The following ALG13 variants were observed in gnomAD, a reference collection of about 807,000 sequenced individuals.
ALG13 encodes ALG13 UDP-N-acetylglucosaminyltransferase subunit.
A neutral mutation model predicts 87.8 loss-of-function variants in ALG13; 11 were observed. The ratio of observed to expected loss-of-function variants is 0.13; its 90% CI spans 0.08 to 0.21. ALG13 has a LOEUF of 0.21. Ranked by LOEUF, ALG13 falls within the 10% of genes least tolerant of loss-of-function variation. ALG13 has a pLI of 1.00. For synonymous variants in ALG13, 320 were observed against 306.3 expected, an observed-to-expected ratio of 1.04 and a Z score of -0.47; for missense variants, 756 against 866.1, an observed-to-expected ratio of 0.87 and a Z score of 1.60.
intron 23 of ALG13, among the ~76,000 whole-genome samples, chrX:111,738,138 A>G (rs757248264): frequency 3.5e-5 from 4 of 112,677 alleles, no homozygotes; most frequent in South Asian, 3.6e-4. Flanking sequence ...TAATAATACA[A>G]AACATTAAAG....
chrX:111,709,943 GTA>G (rs1324291616), intron 5 of ALG13, among the ~76,000 whole-genome samples: 1 of 111,099 alleles, frequency 9.0e-6, no homozygotes, highest in Admixed American at 9.5e-5. Flanking sequence ...TGCGTCTCAA[GTA>G]TTTCTGTGCA....
chrX:111,740,567 G>A (rs1349409378), intron 23 of ALG13, among the ~76,000 whole-genome samples: 1 of 110,719 alleles, frequency 9.0e-6, no homozygotes, highest in Non-Finnish European at 1.9e-5. Context: ...TGGAGAAATG[G>A]CTGATTCCAG....
intron 25 of ALG13, among the ~76,000 whole-genome samples, chrX:111,754,343 A>G (rs777808832): frequency 5.9e-4 from 66 of 111,859 alleles, no homozygotes; most frequent in African/African-American, 2.1e-3. Flanking sequence ...AGCTGGAAGC[A>G]TTCCCTTTGA....
intron 19 of ALG13, among the ~76,000 whole-genome samples, chrX:111,730,017 A>G (rs1336654432): frequency 1.8e-5 from 2 of 112,350 alleles, no homozygotes; most frequent in Non-Finnish European, 3.8e-5. Context: ...TGAGGCACAG[A>G]GATTAAATAA....
intron 3 of ALG13, among the ~76,000 whole-genome samples, chrX:111,703,162 C>T (rs898379399): frequency 9.1e-6 from 1 of 109,847 alleles, no homozygotes; most frequent in African/African-American, 3.3e-5. Flanking sequence ...TCATGTTCTA[C>T]AGTGCTAGAA....
At chrX:111,701,283 T>C (rs1292674082) in intron 3 of ALG13, among the ~76,000 whole-genome samples, 1 of 112,085 alleles carries the variant, frequency 8.9e-6, no homozygotes, top group Non-Finnish European at 1.9e-5. Context: ...TAAGAAGGAT[T>C]GGTACTGGTT....
At chrX:111,723,675 G>C in intron 13 of ALG13, 123 bp from the exon 14 acceptor site, 1 of 448,367 alleles carries the variant, frequency 2.2e-6, no homozygotes, top group East Asian at 4.1e-5. Context: ...ATCCAGACTG[G>C]CAGTGTTGAT....
chrX:111,758,104 T>C (rs1945430202), intron 26 of ALG13, among the ~76,000 whole-genome samples: 1 of 111,872 alleles, frequency 8.9e-6, no homozygotes, highest in South Asian at 3.8e-4. Context: ...CACACACCCA[T>C]GGTACAAAAA....
At chrX:111,747,592 T>C (rs145008026) in intron 24 of ALG13, among the ~76,000 whole-genome samples, 1,269 of 111,253 alleles carry the variant, frequency 0.011, 10 homozygotes, top group African/African-American at 0.031. Flanking sequence ...GCTCAAGCAA[T>C]TCTCCTGCCT....
chrX:111,717,355 A>G (rs1004935772), intron 8 of ALG13, among the ~76,000 whole-genome samples: 1 of 111,197 alleles, frequency 9.0e-6, no homozygotes, highest in East Asian at 2.8e-4. Context: ...GTGTATTGAT[A>G]TATTGCTATT....
chrX:111,681,852 G>C, intron 1 of ALG13: 1 of 891,447 alleles, frequency 1.1e-6, no homozygotes. Flanking sequence ...TAGTGCCTGG[G>C]TTCCCCCCGA....
intron 25 of ALG13, among the ~76,000 whole-genome samples, chrX:111,753,768 T>C (rs1011397402): frequency 2.7e-5 from 3 of 111,393 alleles, no homozygotes; most frequent in African/African-American, 9.8e-5. Flanking sequence ...GTTCTGAAAT[T>C]GAGGCAGTAA....
chrX:111,692,440 CTT>C (rs765521995), intron 3 of ALG13, among the ~76,000 whole-genome samples: 15 of 111,627 alleles, frequency 1.3e-4, no homozygotes, highest in Non-Finnish European at 2.6e-4. Context: ...ACCTAGTACT[CTT>C]TTTTGATTGT....
chrX:111,756,759 A>G (rs1049433102), intron 25 of ALG13, among the ~76,000 whole-genome samples: 3 of 112,269 alleles, frequency 2.7e-5, no homozygotes, highest in African/African-American at 9.7e-5. Context: ...AGCTTTAGAC[A>G]TGTCAGTGCC....
intron 1 of ALG13, 82 bp from the exon 2 acceptor site, chrX:111,682,050 A>C: frequency 1.0e-6 from 1 of 963,864 alleles, no homozygotes; most frequent in South Asian, 3.5e-5. Context: ...TGTTAACGTC[A>C]AACTTTAGTA....
At chrX:111,697,809 ATAGTTT>A (rs1267589476) in intron 3 of ALG13, among the ~76,000 whole-genome samples, 1 of 111,580 alleles carries the variant, frequency 9.0e-6, no homozygotes, top group African/African-American at 3.3e-5. Flanking sequence ...GAGATTTTAT[ATAGTTT>A]TAGTTTCAGT....
intron 3 of ALG13, among the ~76,000 whole-genome samples, chrX:111,698,784 C>G: frequency 8.9e-6 from 1 of 111,778 alleles, no homozygotes; most frequent in Non-Finnish European, 1.9e-5. Context: ...TAGGTTGTTT[C>G]CTTATCTTGG....
At chrX:111,748,105 A>C (rs1223535757) in intron 24 of ALG13, among the ~76,000 whole-genome samples, 2 of 112,329 alleles carry the variant, frequency 1.8e-5, no homozygotes, top group Non-Finnish European at 3.8e-5. Context: ...TTGGTGAAAC[A>C]TCTGTTAAGA....
chrX:111,735,946 G>GAA (rs377589539), intron 22 of ALG13, among the ~76,000 whole-genome samples: 10 of 102,545 alleles, frequency 9.8e-5, no homozygotes, highest in African/African-American at 3.5e-4. Flanking sequence ...GGCCTAAGCA[G>GAA]AAAAAAAAAA....
Sources: gnomAD v4.1 joint callset for allele counts (sites outside exome capture counted in the v4.1 genomes callset) on GRCh38, gnomAD v4.1.1 for gene constraint, MANE v1.5 for transcripts, NCBI Gene and HGNC (gene_info 2026-07-23, HGNC 2026-07-21) for gene names.